Variants in FOXP2 observed in about 807,000 individuals in gnomAD.
FOXP2 encodes forkhead box protein P2.
A neutral mutation model predicts 115.8 loss-of-function variants in FOXP2; 12 were observed. That is an observed-to-expected ratio of 0.10 (90% CI 0.07 to 0.17). The LOEUF is 0.17. FOXP2 is among the 10% of genes least tolerant of loss of function. The pLI is 1.00. For missense variants in FOXP2, 629 were observed against 843.5 expected (o/e 0.75, Z 3.15); for synonymous variants, 328 against 297.7 (o/e 1.10, Z -1.05).
chr7:114,305,990 C>G (rs1797005716), intron 2 of FOXP2, among the ~76,000 whole-genome samples: 1 of 151,368 alleles, frequency 6.6e-6, no homozygotes, highest in South Asian at 2.1e-4. Flanking sequence ...TGGGCTTTTT[C>G]TTTTTTATAC....
chr7:114,451,380 T>C (rs942066984), intron 2 of FOXP2, among the ~76,000 whole-genome samples: 3 of 152,084 alleles, frequency 2.0e-5, no homozygotes, highest in African/African-American at 7.2e-5. Context: ...GGCTAGTAAC[T>C]TATCTTCTCT....
At chr7:114,168,488 G>A (rs1350906935) in intron 1 of FOXP2, among the ~76,000 whole-genome samples, 2 of 152,136 alleles carry the variant, frequency 1.3e-5, no homozygotes, top group East Asian at 1.9e-4. Flanking sequence ...TTGAACTTGA[G>A]AGAGATGATT....
intron 6 of FOXP2, among the ~76,000 whole-genome samples, chr7:114,638,909 G>A (rs1805373490): frequency 6.6e-6 from 1 of 151,964 alleles, no homozygotes; most frequent in Non-Finnish European, 1.5e-5. Flanking sequence ...AACATTATTT[G>A]GATTATTTGA....
At chr7:114,251,470 C>T (rs1484666281) in intron 1 of FOXP2, among the ~76,000 whole-genome samples, 4 of 152,048 alleles carry the variant, frequency 2.6e-5, no homozygotes, top group African/African-American at 7.2e-5. Context: ...TCTTTTATTT[C>T]GTTGAGCAGT....
chr7:114,576,884 A>G (rs1266294657), intron 3 of FOXP2, among the ~76,000 whole-genome samples: 2 of 152,020 alleles, frequency 1.3e-5, no homozygotes, highest in Non-Finnish European at 1.5e-5. Flanking sequence ...AGCATAATTG[A>G]AAGTTGTAGA....
chr7:114,149,242 G>A (rs1215633731), intron 1 of FOXP2, among the ~76,000 whole-genome samples: 1 of 151,882 alleles, frequency 6.6e-6, no homozygotes, highest in Non-Finnish European at 1.5e-5. Context: ...TTTCTCCTGG[G>A]TTGGTTGGTT....
At chr7:114,146,161 T>G (rs1365113710) in intron 1 of FOXP2, among the ~76,000 whole-genome samples, 1 of 152,214 alleles carries the variant, frequency 6.6e-6, no homozygotes, top group Non-Finnish European at 1.5e-5. Context: ...AGATACCATG[T>G]AAACTTACTG....
At chr7:114,287,561 G>GT (rs1197209006) in intron 1 of FOXP2, among the ~76,000 whole-genome samples, 1 of 152,000 alleles carries the variant, frequency 6.6e-6, no homozygotes, top group Non-Finnish European at 1.5e-5. Flanking sequence ...ATTATGAGGA[G>GT]TAAATGCTTA....
intron 3 of FOXP2, among the ~76,000 whole-genome samples, chr7:114,624,242 A>G (rs541498931): frequency 3.3e-5 from 5 of 152,062 alleles, no homozygotes; most frequent in Admixed American, 3.3e-4. Context: ...TAACATAAGA[A>G]CAAATTTTGC....
At chr7:114,090,634 A>G (rs1409045653) in intron 1 of FOXP2, among the ~76,000 whole-genome samples, 1 of 151,824 alleles carries the variant, frequency 6.6e-6, no homozygotes, top group Non-Finnish European at 1.5e-5. Flanking sequence ...TCCAGTGCTC[A>G]TGGTCTGCAA....
chr7:114,235,726 T>C (rs1443298728), intron 1 of FOXP2, among the ~76,000 whole-genome samples: 2 of 152,190 alleles, frequency 1.3e-5, no homozygotes, highest in Admixed American at 6.5e-5. Context: ...CCTCCAATTT[T>C]GCACTGATCA....
chr7:114,130,508 A>G (rs1218915889), intron 1 of FOXP2, among the ~76,000 whole-genome samples: 1 of 152,214 alleles, frequency 6.6e-6, no homozygotes, highest in African/African-American at 2.4e-5. Flanking sequence ...TTCTAGGCAA[A>G]CTATTGCTAG....
intron 1 of FOXP2, among the ~76,000 whole-genome samples, chr7:114,096,620 G>A (rs1799657219): frequency 2.6e-5 from 4 of 152,034 alleles, no homozygotes; most frequent in Admixed American, 2.6e-4. Context: ...TTCCCATTGG[G>A]CTGAAATGAT....
rs1180166179 is a variant in FOXP2 at position 114,329,838 on chromosome 7, G to A, written c.-11+41729G>A. 2.6e-5 allele frequency among the ~76,000 whole-genome samples: 4 copies of A among 151,824 alleles called. No homozygotes were observed. The East Asian group carries it at 5.9e-4, about 22-fold the overall frequency. On this transcript the variant is annotated intron_variant, in intron 2 of 17. Transcript: ENST00000634411. Reference sequence around the variant, plus strand: ...ATTACAGGCACGTGCCACCATACCTGGCTAATTTTTGTATTTTTAGTAGAG... The same window carrying A: ...ATTACAGGCACGTGCCACCATACCTAGCTAATTTTTGTATTTTTAGTAGAG...
upstream of FOXP2, among the ~76,000 whole-genome samples, chr7:114,160,749 A>G (rs1291252008): frequency 6.6e-6 from 1 of 151,404 alleles, no homozygotes; most frequent in African/African-American, 2.4e-5. Flanking sequence ...GTACATATAA[A>G]TGGGATTTTC....
At chr7:114,553,061 T>C (rs1408981786) in intron 3 of FOXP2, among the ~76,000 whole-genome samples, 3 of 147,748 alleles carry the variant, frequency 2.0e-5, no homozygotes, top group African/African-American at 5.2e-5. Context: ...GCATTTTAGA[T>C]ACTGTGAAAT....
upstream of FOXP2, among the ~76,000 whole-genome samples, chr7:114,412,213 A>T (rs75180272): frequency 0.016 from 2,367 of 152,186 alleles, 37 homozygotes; most frequent in Non-Finnish European, 0.024. Context: ...ATAAGTTAAA[A>T]TTTTTTTACT....
chr7:114,658,604 C>T (rs1806711581), intron 11 of FOXP2, among the ~76,000 whole-genome samples: 1 of 152,068 alleles, frequency 6.6e-6, no homozygotes. Flanking sequence ...TAGAGAAGAG[C>T]CATTTTAAAG....
chr7:114,351,992 G>A (rs755174651), intron 2 of FOXP2, among the ~76,000 whole-genome samples: 8 of 152,224 alleles, frequency 5.3e-5, no homozygotes, highest in Middle Eastern at 3.4e-3. Context: ...TTAGAACCAG[G>A]TGCAGTGGCT....
Sources: gnomAD v4.1 joint callset for allele counts (sites outside exome capture counted in the v4.1 genomes callset) on GRCh38, gnomAD v4.1.1 for gene constraint, MANE v1.5 for transcripts, NCBI Gene and HGNC (gene_info 2026-07-23, HGNC 2026-07-21) for gene names.